Variants in NFIB observed in about 807,000 individuals in gnomAD.
NFIB encodes the protein nuclear factor 1 B-type.
A neutral mutation model predicts 61.5 loss-of-function variants in NFIB; 11 were observed. The ratio of observed to expected loss-of-function variants is 0.18; its 90% CI spans 0.11 to 0.30. NFIB has a LOEUF of 0.30. NFIB is among the 10% of genes least tolerant of loss of function. NFIB has a pLI of 1.00. For missense variants in NFIB, 471 were observed against 608.9 expected, an observed-to-expected ratio of 0.77 and a Z score of 2.38; for synonymous variants, 260 against 216.5, an observed-to-expected ratio of 1.20 and a Z score of -1.76.
chr9:14,492,916 G>C, the NFIB span, among the ~76,000 whole-genome samples: 1 of 152,198 alleles, frequency 6.6e-6, no homozygotes, highest in Non-Finnish European at 1.5e-5. Context: ...CTGATACTTA[G>C]CTGGGTAAAC....
chr9:14,333,671 G>A (rs764818124), intron 1 of NFIB, among the ~76,000 whole-genome samples: 2 of 152,204 alleles, frequency 1.3e-5, no homozygotes, highest in Middle Eastern at 3.4e-3. Flanking sequence ...CTGTGCTTTC[G>A]AAAAAGAAAT....
rs893771032 is a variant in NFIB, at chr9:14,277,755, T to C, written c.562+29234A>G. The stretch of plus-strand genomic sequence containing the variant: ...TACATTTAAGCTGGAACTTGAACTT[T>C]TACTCATCCTTACTCTAAGGCTATA... On this transcript the variant is annotated intron_variant, in intron 2 of 10. Transcript: ENST00000380953. Among the ~76,000 whole-genome samples, 4 of 152,198 alleles carry C rather than the reference T, an allele frequency of 2.6e-5. No homozygotes were observed. In the East Asian group the frequency reaches 5.8e-4, roughly 22 times the overall value.
chr9:14,160,250 A>C (rs1196705567), intron 3 of NFIB, among the ~76,000 whole-genome samples: 1 of 152,230 alleles, frequency 6.6e-6, no homozygotes, highest in Non-Finnish European at 1.5e-5. Flanking sequence ...ATCACTACTC[A>C]GAAGTTAATA....
intron 1 of NFIB, among the ~76,000 whole-genome samples, chr9:14,353,268 G>T (rs1044730766): frequency 4.6e-5 from 7 of 152,092 alleles, no homozygotes; most frequent in African/African-American, 1.4e-4. Flanking sequence ...TTTTGTGCGT[G>T]GAAAGGGGAG....
At chr9:14,137,659 C>A (rs1013766946) in intron 6 of NFIB, among the ~76,000 whole-genome samples, 2 of 152,116 alleles carry the variant, frequency 1.3e-5, no homozygotes, top group African/African-American at 4.8e-5. Flanking sequence ...AATTACAGTG[C>A]ACTAGGCTTA....
chr9:14,193,512 G>C (rs1329985767), intron 2 of NFIB, among the ~76,000 whole-genome samples: 1 of 152,108 alleles, frequency 6.6e-6, no homozygotes, highest in Admixed American at 6.6e-5. Flanking sequence ...AAAGAGAAAT[G>C]ACTTCAACAT....
At chr9:14,168,349 G>C (rs2045164847) in intron 3 of NFIB, among the ~76,000 whole-genome samples, 1 of 152,186 alleles carries the variant, frequency 6.6e-6, no homozygotes, top group African/African-American at 2.4e-5. Flanking sequence ...CGAAAATAGA[G>C]ATAAAATAGT....
chr9:14,287,841 T>C (rs928821134), intron 2 of NFIB, among the ~76,000 whole-genome samples: 4 of 152,114 alleles, frequency 2.6e-5, no homozygotes, highest in Admixed American at 6.5e-5. Context: ...TTGTTGGGTG[T>C]GTCACTAGAT....
the NFIB span, among the ~76,000 whole-genome samples, chr9:14,462,321 T>C: frequency 5.9e-5 from 9 of 151,936 alleles, no homozygotes; most frequent in Non-Finnish European, 1.2e-4. Context: ...CTTGCTCTGT[T>C]GCCCAGGCTG....
At chr9:14,250,863 T>C (rs1235034775) in intron 2 of NFIB, among the ~76,000 whole-genome samples, 2 of 152,248 alleles carry the variant, frequency 1.3e-5, no homozygotes, top group Non-Finnish European at 2.9e-5. Flanking sequence ...TTGGTTTCTC[T>C]GGACTTATGA....
At chr9:14,205,708 G>A (rs1022727726) in intron 2 of NFIB, among the ~76,000 whole-genome samples, 1 of 152,150 alleles carries the variant, frequency 6.6e-6, no homozygotes, top group Non-Finnish European at 1.5e-5. Flanking sequence ...ATTCAGAGGT[G>A]AAAGATGAAT....
At chr9:14,095,254 G>A (rs1333872382) in intron 10 of NFIB, among the ~76,000 whole-genome samples, 3 of 151,934 alleles carry the variant, frequency 2.0e-5, no homozygotes, top group African/African-American at 7.3e-5. Context: ...TCAAATTTTA[G>A]AACTGAAAAT....
At chr9:14,205,224 G>A (rs1447868954) in intron 2 of NFIB, among the ~76,000 whole-genome samples, 41 of 1,400 alleles carry the variant, frequency 0.029, no homozygotes, top group South Asian at 0.091. Flanking sequence ...AGGGAGGGGA[G>A]GGGAGGGGGA....
Position 14,313,629 on chromosome 9 carries a change from G to A in NFIB, c.-118C>T, listed in dbSNP as rs370701196. Reference sequence around the variant, plus strand: ...CCGCGATGCGATCAATCAGGACGGGGCTCTGCGCTGGATCACCGCAACTTC... The same window carrying A: ...CCGCGATGCGATCAATCAGGACGGGACTCTGCGCTGGATCACCGCAACTTC... On this transcript the variant is annotated 5_prime_UTR_variant, in exon 1 of 11. Transcript: ENST00000380953. The surrounding 1 kb of genome is among the most constrained non-coding windows in gnomAD (Gnocchi z 4.5). 30 of 1,576,822 alleles carry A rather than the reference G, an allele frequency of 1.9e-5. No individual in the cohort carries two copies. Among genetic ancestry groups the A allele is most frequent in the South Asian group, 4.6e-5 (4 of 86,582 alleles).
rs1238314009 is a variant in NFIB, at chr9:14,084,742, G to C, written c.*3567C>G. ...GGGCGTGCAAGACCTGCAAAAGTGGGGCCCTTCGTCAGAATATACTTCCTG... is the reference window on the plus strand; with the variant it reads ...GGGCGTGCAAGACCTGCAAAAGTGGCGCCCTTCGTCAGAATATACTTCCTG... On this transcript the variant is annotated 3_prime_UTR_variant, in exon 11 of 11. Transcript: ENST00000380953. 4.3e-6 allele frequency: 1 copy of C among 229,912 alleles called. No individual in the cohort carries two copies. Among genetic ancestry groups the C allele is most frequent in the Non-Finnish European group, 8.6e-6 (1 of 116,026 alleles). 14.2% of individuals were successfully genotyped at this position (229,912 alleles called of 1,614,324 possible). A position where few individuals can be genotyped will look rare whatever the true frequency, so the allele number is the denominator to read the frequency against.
At chr9:14,223,434 C>T (rs907061791) in intron 2 of NFIB, among the ~76,000 whole-genome samples, 3 of 152,106 alleles carry the variant, frequency 2.0e-5, no homozygotes, top group Non-Finnish European at 4.4e-5. Context: ...TTTAGCAAGT[C>T]CAATTCTCAC....
At chr9:14,156,655 G>A (rs1313181606) in intron 3 of NFIB, among the ~76,000 whole-genome samples, 1 of 152,040 alleles carries the variant, frequency 6.6e-6, no homozygotes, top group Admixed American at 6.6e-5. Context: ...CTTGCTAGCT[G>A]GTCTATGTCC....
intron 8 of NFIB, among the ~76,000 whole-genome samples, chr9:14,116,835 CA>C (rs1260145643): frequency 2.6e-5 from 4 of 152,292 alleles, no homozygotes; most frequent in Admixed American, 2.0e-4. Flanking sequence ...TCTAGGAGAT[CA>C]AATACAACGA....
At chr9:14,430,842 A>G in the NFIB span, among the ~76,000 whole-genome samples, 1 of 152,132 alleles carries the variant, frequency 6.6e-6, no homozygotes, top group Non-Finnish European at 1.5e-5. Context: ...TCGGCCTCCC[A>G]AAGTGCTGGA....
Sources: gnomAD v4.1 joint callset for allele counts (sites outside exome capture counted in the v4.1 genomes callset) on GRCh38, gnomAD v4.1.1 for gene constraint, Gnocchi (gnomAD v3.1) non-coding constraint, MANE v1.5 for transcripts, NCBI Gene and HGNC (gene_info 2026-07-23, HGNC 2026-07-21) for gene names.